FAM81A: variants seen among roughly 807,000 people sequenced by gnomAD.
FAM81A encodes the protein family with sequence similarity 81 member A, also known as protein FAM81A.
FAM81A carries 19 observed loss-of-function variants against 46.7 expected under a neutral mutation model. The ratio of observed to expected loss-of-function variants is 0.41; its 90% CI spans 0.28 to 0.60. The LOEUF (loss-of-function observed/expected upper bound fraction) is 0.60, where lower values mean the gene tolerates loss of function less well. Among genes scored for constraint, FAM81A ranks in the 20% least tolerant of loss-of-function variants. The pLI is 0.34. For missense variants in FAM81A, 377 were observed against 453.5 expected (o/e 0.83, Z 1.53); for synonymous variants, 183 against 152.9 (o/e 1.20, Z -1.45).
At chr15:59,435,543 C>T (rs1338513735), upstream of FAM81A, among the ~76,000 whole-genome samples, 1 of 152,094 alleles carries the variant, frequency 6.6e-6, no homozygotes, top group Non-Finnish European at 1.5e-5. Flanking sequence ...TCACCTGAAC[C>T]CAGGAGGCAG....
rs1360281493 is a variant in FAM81A, at chr15:59,523,269, A to G, written c.*1891A>G. 1 of 152,258 alleles carries G rather than the reference A, an allele frequency of 6.6e-6. No individual in the cohort carries two copies. The highest frequency in any genetic ancestry group is 2.4e-5 in the African/African-American group (1 of 41,450). 9.4% of individuals were successfully genotyped at this position (152,258 alleles called of 1,614,324 possible). ...CCAGCCCCTTGAGATGAGCCACCGC[A>G]GGTGTGCTCACCTTGGCTACATGTT... is the stretch of plus-strand genomic sequence containing the variant. On this transcript the variant is annotated 3_prime_UTR_variant, in exon 9 of 9. Transcript: ENST00000288228.
intron 4 of FAM81A, among the ~76,000 whole-genome samples, chr15:59,503,738 A>G (rs1185892977): frequency 1.3e-5 from 2 of 152,124 alleles, no homozygotes; most frequent in South Asian, 2.1e-4. Context: ...ACACCCAGCT[A>G]ATTTTTGTAT....
chr15:59,495,429 G>A (rs747313122), intron 4 of FAM81A, among the ~76,000 whole-genome samples: 1 of 152,340 alleles, frequency 6.6e-6, no homozygotes, highest in Non-Finnish European at 1.5e-5. Flanking sequence ...TCAGTTGAAC[G>A]TTGGGGTTGT....
intron 7 of FAM81A, among the ~76,000 whole-genome samples, chr15:59,515,804 A>T (rs1214049925): frequency 1.4e-4 from 22 of 152,186 alleles, no homozygotes; most frequent in Non-Finnish European, 1.3e-4. Context: ...GCTAACAGTA[A>T]ACCCCAGGAT....
intron 4 of FAM81A, among the ~76,000 whole-genome samples, chr15:59,496,422 T>C (rs2082034509): frequency 6.6e-6 from 1 of 152,016 alleles, no homozygotes; most frequent in Non-Finnish European, 1.5e-5. Flanking sequence ...CTGACCAATA[T>C]GGTGAAACCC....
At chr15:59,427,196 C>T (rs570601768) in intron 2 of FAM81A, among the ~76,000 whole-genome samples, 11 of 152,206 alleles carry the variant, frequency 7.2e-5, no homozygotes, top group East Asian at 5.8e-4. Flanking sequence ...CTGCAGCCTC[C>T]GCCTCCTGGG....
chr15:59,417,608 A>G (rs989975758), intron 2 of FAM81A, among the ~76,000 whole-genome samples: 22 of 151,984 alleles, frequency 1.4e-4, no homozygotes, highest in African/African-American at 5.1e-4. Context: ...CCAGCTACTC[A>G]GGAAGCTGAG....
chr15:59,506,921 T>G (rs2082155176), intron 4 of FAM81A, among the ~76,000 whole-genome samples: 1 of 152,234 alleles, frequency 6.6e-6, no homozygotes, highest in African/African-American at 2.4e-5. Flanking sequence ...GCACACTAGC[T>G]ATGCTCTTTG....
At chr15:59,405,237 G>A (rs925533144) in intron 2 of FAM81A, among the ~76,000 whole-genome samples, 4 of 152,138 alleles carry the variant, frequency 2.6e-5, no homozygotes, top group Admixed American at 2.6e-4. Context: ...TAAGGTCTGT[G>A]AGAGCAGGAA....
At chr15:59,445,397 C>T (rs1375635775) in intron 1 of FAM81A, 1 of 152,068 alleles carries the variant, frequency 6.6e-6, no homozygotes. Context: ...ATTCAGAAAC[C>T]CCTGGTGGCT....
intron 3 of FAM81A, among the ~76,000 whole-genome samples, chr15:59,465,996 A>G (rs139515905): frequency 7.0e-4 from 107 of 152,256 alleles, no homozygotes; most frequent in African/African-American, 2.3e-3. Context: ...GCTGAGAATG[A>G]TGGTTTCCAG....
At chr15:59,398,758 A>AG (rs1390512036) in intron 1 of FAM81A, among the ~76,000 whole-genome samples, 6 of 88,802 alleles carry the variant, frequency 6.8e-5, no homozygotes, top group African/African-American at 1.2e-4. Context: ...ACTCTGTCTC[A>AG]GAAAAAAAAA....
rs560858832 is a variant in FAM81A at position 59,520,166 on chromosome 15, C to T, written c.983-1088C>T. ...TGTATTTGTATTGCCCAAGACAATT[C>T]TTTCAGTGTGGCCCAAGGAAGCTGA... On this transcript the variant is annotated intron_variant, in intron 8 of 8. Coordinates refer to ENST00000288228, the MANE Select transcript of FAM81A (RefSeq NM_152450.3). 2.4e-4 allele frequency among the ~76,000 whole-genome samples: 36 copies of T among 151,778 alleles called. No homozygotes were observed. In the South Asian group the frequency reaches 6.7e-3, roughly 28 times the overall value.
At chr15:59,435,209 C>T (rs1353181974), upstream of FAM81A, among the ~76,000 whole-genome samples, 5 of 152,076 alleles carry the variant, frequency 3.3e-5, no homozygotes, top group African/African-American at 7.2e-5. Flanking sequence ...ATTGCTTGAA[C>T]CCGGGAGGCA....
intron 3 of FAM81A, among the ~76,000 whole-genome samples, chr15:59,465,920 C>T (rs1014687509): frequency 6.6e-6 from 1 of 152,122 alleles, no homozygotes; most frequent in Non-Finnish European, 1.5e-5. Flanking sequence ...TGTTCAGTTC[C>T]CACCTGTGAA....
intron 2 of FAM81A, among the ~76,000 whole-genome samples, chr15:59,425,920 G>A (rs2141558118): frequency 6.6e-6 from 1 of 152,254 alleles, no homozygotes; most frequent in African/African-American, 2.4e-5. Flanking sequence ...GCACCCAGCT[G>A]GCTATTCTAT....
At chr15:59,401,528 T>A (rs1466231063) in intron 1 of FAM81A, 1 of 752,482 alleles carries the variant, frequency 1.3e-6, no homozygotes, top group African/African-American at 1.7e-5. Context: ...TGTAAAGCCA[T>A]CTTGAACAAA....
chr15:59,522,968 A>C lies in FAM81A; in HGVS notation c.*1590A>C, dbSNP rs913035793. On this transcript the variant is annotated 3_prime_UTR_variant, in exon 9 of 9. Transcript: ENST00000288228. ...CACAAATTTCCACTTAACAAATAAA[A>C]AAAGGCGAATGCTGTTTTGCAATCA... The C allele has an allele frequency of 6.6e-6, 1 of 152,564 alleles. No homozygotes were observed. The highest frequency in any genetic ancestry group is 1.5e-5 in the Non-Finnish European group (1 of 68,050). The allele number at this position is 152,564 out of a possible 1,614,324, so 9.5% of individuals were successfully genotyped here. A position where few individuals can be genotyped will look rare whatever the true frequency, so the allele number is the denominator to read the frequency against.
intron 4 of FAM81A, among the ~76,000 whole-genome samples, chr15:59,499,688 T>G (rs1441567769): frequency 6.6e-6 from 1 of 152,180 alleles, no homozygotes; most frequent in African/African-American, 2.4e-5. Flanking sequence ...GATGTAAGAT[T>G]CTTGGTTGAC....
Sources: gnomAD v4.1 joint callset for allele counts (sites outside exome capture counted in the v4.1 genomes callset) on GRCh38, gnomAD v4.1.1 for gene constraint, MANE v1.5 for transcripts, NCBI Gene and HGNC (gene_info 2026-07-23, HGNC 2026-07-21) for gene names.